Variants in CHL1 observed in about 807,000 individuals in gnomAD.
The protein encoded by CHL1 is cell adhesion molecule L1 like, also known as neural cell adhesion molecule L1-like protein.
A neutral mutation model predicts 141.9 loss-of-function variants in CHL1; 96 were observed. The observed-to-expected ratio is 0.68, with a 90% confidence interval of 0.57 to 0.80. The LOEUF (loss-of-function observed/expected upper bound fraction) is 0.80. Among genes scored for constraint, CHL1 ranks in the 30% least tolerant of loss-of-function variants. The probability of loss-of-function intolerance (pLI) is 0.00; values close to 1 mark genes in which losing one functional copy is unlikely to be tolerated. For synonymous variants in CHL1, 613 were observed against 502.2 expected (o/e 1.22, Z -2.95); for missense variants, 1,820 against 1,457.2 (o/e 1.25, Z -4.05).
intron 1 of CHL1, among the ~76,000 whole-genome samples, chr3:233,356 C>T (rs979628087): frequency 6.6e-6 from 1 of 152,128 alleles, no homozygotes; most frequent in Non-Finnish European, 1.5e-5. Context: ...TCTTGCTTTT[C>T]TATACCAGCC....
At chr3:376,422 T>C (rs749672085) in intron 15 of CHL1, 2 of 516,418 alleles carry the variant, frequency 3.9e-6, no homozygotes, top group African/African-American at 3.9e-5. Flanking sequence ...TTTTAATAAG[T>C]TCTTTAGGTA....
At chr3:277,684 T>A (rs1176342531) in intron 2 of CHL1, among the ~76,000 whole-genome samples, 1 of 152,192 alleles carries the variant, frequency 6.6e-6, no homozygotes, top group African/African-American at 2.4e-5. Flanking sequence ...GGAAAATAAA[T>A]ATTTTTGTGA....
intron 1 of CHL1, among the ~76,000 whole-genome samples, chr3:225,653 T>G (rs538637631): frequency 6.6e-6 from 1 of 152,230 alleles, no homozygotes; most frequent in East Asian, 1.9e-4. Flanking sequence ...AAACCACCAC[T>G]GTCCAGGAAC....
intron 2 of CHL1, among the ~76,000 whole-genome samples, chr3:311,787 C>A (rs893989383): frequency 1.3e-5 from 2 of 152,118 alleles, no homozygotes; most frequent in African/African-American, 4.8e-5. Flanking sequence ...AAGTTTTGTG[C>A]ATTTTAGTAC....
chr3:268,657 ATAT>A (rs1349127975), intron 2 of CHL1, among the ~76,000 whole-genome samples: 1 of 152,202 alleles, frequency 6.6e-6, no homozygotes, highest in Non-Finnish European at 1.5e-5. Context: ...CTTTCCCTCA[ATAT>A]TATTGCACAT....
chr3:318,656 C>G (rs1019774051), intron 2 of CHL1, among the ~76,000 whole-genome samples: 3 of 151,148 alleles, frequency 2.0e-5, no homozygotes, highest in Non-Finnish European at 4.4e-5. Flanking sequence ...ACGCCTTTGT[C>G]TTCTGCTTGA....
intron 1 of CHL1, among the ~76,000 whole-genome samples, chr3:208,636 T>C (rs1384483932): frequency 6.6e-6 from 1 of 152,234 alleles, no homozygotes; most frequent in East Asian, 1.9e-4. Context: ...GTATCCGTTT[T>C]GGTTATTTGA....
At chr3:344,837 C>A in intron 9 of CHL1, 128 bp downstream of exon 9, 5 of 928,790 alleles carry the variant, frequency 5.4e-6, no homozygotes, top group Non-Finnish European at 7.9e-6. Context: ...TAAATTCTGC[C>A]GGGCACTGCA....
At chr3:357,638 GA>G (rs1307372198) in intron 11 of CHL1, among the ~76,000 whole-genome samples, 23 of 152,310 alleles carry the variant, frequency 1.5e-4, no homozygotes, top group African/African-American at 5.5e-4. Context: ...AAGAATTTCT[GA>G]AGTATGTCAG....
At chr3:324,126 G>C (rs1391169181) in intron 3 of CHL1, among the ~76,000 whole-genome samples, 1 of 149,928 alleles carries the variant, frequency 6.7e-6, no homozygotes, top group Non-Finnish European at 1.5e-5. Flanking sequence ...GACTGCAAAA[G>C]AGTCCTGAGA....
chr3:316,162 G>T (rs1242752295), intron 2 of CHL1, among the ~76,000 whole-genome samples: 10 of 152,076 alleles, frequency 6.6e-5, no homozygotes, highest in Admixed American at 3.3e-4. Context: ...GGGAAGGGAA[G>T]ATGGAGCCAC....
At position 382,565 on chromosome 3, in the gene CHL1, A is replaced by T. The variant is rs988507724; in HGVS notation, c.2070A>T (p.Leu690Phe). The T allele has an allele frequency of 1.2e-6, 2 of 1,613,502 alleles. No homozygotes were observed. Among genetic ancestry groups the T allele is most frequent in the Non-Finnish European group, 1.7e-6 (2 of 1,179,594 alleles). ...RVQGKKTTVILPLAPFVRYQF... is the reference protein window; with the variant it reads ...RVQGKKTTVIFPLAPFVRYQF... ...AAGGAAAGAAAACCACAGTTATCTT[A>T]CCTTTGGCTCCATTTGTGAGATACC... Residue 690 changes from leucine (L) to phenylalanine (F), a missense_variant, in exon 18 of 28, where the codon TTA (leucine) becomes TTT (phenylalanine). Transcript: ENST00000256509.
At chr3:337,027 C>A (rs1436470816) in intron 5 of CHL1, among the ~76,000 whole-genome samples, 1 of 149,128 alleles carries the variant, frequency 6.7e-6, no homozygotes, top group Non-Finnish European at 1.5e-5. Flanking sequence ...GTCTATGACA[C>A]TGAATAATAA....
chr3:197,480 G>T (rs189226913), intron 1 of CHL1: 83 of 171,874 alleles, frequency 4.8e-4, no homozygotes, highest in African/African-American at 1.8e-3. Flanking sequence ...GGGCTCCGAG[G>T]TCTAGCTGGT....
intron 1 of CHL1, among the ~76,000 whole-genome samples, chr3:219,312 C>T (rs1438199683): frequency 6.6e-6 from 1 of 152,078 alleles, no homozygotes; most frequent in African/African-American, 2.4e-5. Flanking sequence ...ATCCTGCAAT[C>T]CCATTACTAT....
intron 2 of CHL1, among the ~76,000 whole-genome samples, chr3:304,692 C>T (rs999826765): frequency 6.6e-6 from 1 of 152,096 alleles, no homozygotes; most frequent in Non-Finnish European, 1.5e-5. Context: ...AATAAACCAG[C>T]TCCTGGTTTC....
rs752654986 is a variant in CHL1, at chr3:328,323, T to C, written c.354T>C (p.Ala118=). 2 of 1,611,896 alleles carry C rather than the reference T, an allele frequency of 1.2e-6. No individual in the cohort carries two copies. Among genetic ancestry groups the C allele is most frequent in the South Asian group, 2.2e-5 (2 of 90,776 alleles). The change falls in exon 5 of 28, where the codon GCT becomes GCC. Residue 118 remains alanine (A), a synonymous_variant. Coordinates refer to ENST00000256509, the MANE Select transcript of CHL1 (RefSeq NM_006614.4). ...TTGCTTCAAATAAACTGGGAATCGC[T>C]ATGTCAGAAGAAATAGAATTTATAG... ...RCFASNKLGI[A]MSEEIEFIVP...
At chr3:218,928 C>T (rs570195590) in intron 1 of CHL1, among the ~76,000 whole-genome samples, 3 of 152,162 alleles carry the variant, frequency 2.0e-5, no homozygotes, top group South Asian at 2.1e-4. Flanking sequence ...GGGCGGATCA[C>T]GAGGTCAGGA....
intron 12 of CHL1, 81 bp downstream of exon 12, chr3:360,505 C>T (rs1388144421): frequency 4.0e-5 from 54 of 1,366,034 alleles, no homozygotes; most frequent in Non-Finnish European, 5.4e-5. Flanking sequence ...TGTATTAACT[C>T]TTGACACATA....
Sources: gnomAD v4.1 joint callset for allele counts (sites outside exome capture counted in the v4.1 genomes callset) on GRCh38, gnomAD v4.1.1 for gene constraint, MANE v1.5 for transcripts, NCBI Gene and HGNC (gene_info 2026-07-23, HGNC 2026-07-21) for gene names.